The following TXNDC16 variants were observed in gnomAD, a reference collection of about 807,000 sequenced individuals.
TXNDC16 encodes thioredoxin domain containing 16.
A neutral mutation model predicts 85.6 loss-of-function variants in TXNDC16; 74 were observed. That is an observed-to-expected ratio of 0.86 (90% CI 0.72 to 1.05). The LOEUF is 1.05. Ranked by LOEUF, TXNDC16 falls within the 50% of genes least tolerant of loss-of-function variation. The probability of loss-of-function intolerance (pLI) is 0.00; values close to 1 mark genes in which losing one functional copy is unlikely to be tolerated. For synonymous variants in TXNDC16, 335 were observed against 326.5 expected, an observed-to-expected ratio of 1.03 and a Z score of -0.28; for missense variants, 959 against 947.0, an observed-to-expected ratio of 1.01 and a Z score of -0.17.
intron 7 of TXNDC16, among the ~76,000 whole-genome samples, chr14:52,518,906 C>A (rs1456375212): frequency 6.6e-6 from 1 of 151,902 alleles, no homozygotes; most frequent in African/African-American, 2.4e-5. Context: ...TTATTTTCCC[C>A]ATCTTAATCA....
chr14:52,493,214 TA>T lies in TXNDC16; in HGVS notation c.757-2210del, dbSNP rs150121232. On this transcript the variant is annotated intron_variant, in intron 9 of 20. Transcript: ENST00000281741. ...TGTTCTATATATATATATATATATATATACACACACACACACACACATATTT... is the reference window on the plus strand; with the variant it reads ...TGTTCTATATATATATATATATATATTACACACACACACACACACATATTT... Among the ~76,000 whole-genome samples the T allele has an allele frequency of 4.9e-3, 561 of 114,626 alleles. 7 individuals are homozygous for T. Among genetic ancestry groups the T allele is most frequent in the African/African-American group, 0.019 (510 of 27,390 alleles). The allele number at this position is 114,626 out of a possible 152,430, so 75.2% of individuals were successfully genotyped here.
At chr14:52,454,224 G>A (rs769069416) in intron 18 of TXNDC16, among the ~76,000 whole-genome samples, 3 of 151,894 alleles carry the variant, frequency 2.0e-5, no homozygotes, top group African/African-American at 7.3e-5. Flanking sequence ...TCAGGAGTTC[G>A]AGACCAGCCT....
intron 5 of TXNDC16, among the ~76,000 whole-genome samples, chr14:52,537,113 C>T (rs1052948600): frequency 6.6e-6 from 1 of 151,030 alleles, no homozygotes; most frequent in African/African-American, 2.4e-5. Flanking sequence ...CCAAATTGGG[C>T]TGGGAAGAAG....
intron 9 of TXNDC16, among the ~76,000 whole-genome samples, chr14:52,499,735 C>T (rs2036614553): frequency 6.6e-6 from 1 of 151,976 alleles, no homozygotes; most frequent in African/African-American, 2.4e-5. Flanking sequence ...GTACAGTCAT[C>T]CCTCAGTATC....
At chr14:52,526,031 A>G (rs2037327121) in intron 6 of TXNDC16, among the ~76,000 whole-genome samples, 1 of 152,088 alleles carries the variant, frequency 6.6e-6, no homozygotes, top group Admixed American at 6.6e-5. Flanking sequence ...CCTTTTTCAA[A>G]TATTTTTGAT....
In TXNDC16 at chr14:52,490,442, CAA is replaced by C; in HGVS notation, c.931_932del (p.Leu311GlyfsTer9). 6.3e-7 allele frequency: 1 copy of C among 1,598,382 alleles called. No homozygotes were observed. The highest frequency in any genetic ancestry group is 1.1e-5 in the South Asian group (1 of 87,296). ...TAGCATCTTGAGGAATGTTCACTTCCAAAGAGTCCCTTTTTCAAAATGGAAAT... is the reference window on the plus strand; with the variant it reads ...TAGCATCTTGAGGAATGTTCACTTCCAGAGTCCCTTTTTCAAAATGGAAAT... ...AGVLLLLRDS[L>X]EVNIPQDANV... On this transcript the variant is annotated frameshift_variant, in exon 11 of 21. Coordinates refer to ENST00000281741, the MANE Select transcript of TXNDC16 (RefSeq NM_020784.3). LOFTEE classifies it high-confidence loss of function.
At chr14:52,491,369 TAA>T (rs34684742) in intron 9 of TXNDC16, among the ~76,000 whole-genome samples, 504 of 110,396 alleles carry the variant, frequency 4.6e-3, no homozygotes, top group East Asian at 7.1e-3. Context: ...TTTTTTTTTT[TAA>T]ATTTTTTGTA....
Position 52,482,255 on chromosome 14 carries a change from A to G in TXNDC16, c.1287T>C (p.Tyr429=), listed in dbSNP as rs759170207. The part of the protein sequence containing the change: ...QAVSMAFLQS[Y]IDVAVKLKGT... ...CTTTCAGTTTAACTGCCACATCAAT[A>G]TAGGATTGCAAAAATGCCATGGATA... The change falls in exon 14 of 21, where the codon TAT becomes TAC. Residue 429 remains tyrosine (Y), a synonymous_variant. Transcript: ENST00000281741. The G allele has an allele frequency of 2.5e-5, 40 of 1,612,078 alleles. No homozygotes were observed. Among genetic ancestry groups the G allele is most frequent in the Non-Finnish European group, 3.3e-5 (39 of 1,179,034 alleles).
At chr14:52,480,383 C>A (rs2036117388) in intron 14 of TXNDC16, among the ~76,000 whole-genome samples, 1 of 152,050 alleles carries the variant, frequency 6.6e-6, no homozygotes, top group Non-Finnish European at 1.5e-5. Flanking sequence ...AGTAAACAGA[C>A]AACTCACAGA....
At chr14:52,513,642 C>T (rs954490294) in intron 8 of TXNDC16, among the ~76,000 whole-genome samples, 8 of 144,496 alleles carry the variant, frequency 5.5e-5, no homozygotes, top group African/African-American at 1.8e-4. Context: ...CAGATATATA[C>T]ATATTCTGTG....
chr14:52,476,630 CA>C (rs1306081480), intron 14 of TXNDC16, among the ~76,000 whole-genome samples: 1 of 151,864 alleles, frequency 6.6e-6, no homozygotes, highest in Non-Finnish European at 1.5e-5. Flanking sequence ...CCCAATGCAA[CA>C]AAGACAAAGA....
intron 1 of TXNDC16, among the ~76,000 whole-genome samples, chr14:52,548,927 C>T (rs192405755): frequency 7.0e-4 from 107 of 152,208 alleles, no homozygotes; most frequent in African/African-American, 2.5e-3. Context: ...CTAATGTTTC[C>T]GGGTTGTTTC....
chr14:52,542,245 T>G (rs1471901521), intron 4 of TXNDC16, 126 bp downstream of exon 4: 16 of 655,362 alleles, frequency 2.4e-5, no homozygotes, highest in Non-Finnish European at 3.1e-5. Flanking sequence ...TTTATTCTTA[T>G]GAAAAAAATA....
intron 9 of TXNDC16, among the ~76,000 whole-genome samples, chr14:52,500,926 A>C (rs1420758596): frequency 6.6e-6 from 1 of 152,220 alleles, no homozygotes; most frequent in African/African-American, 2.4e-5. Context: ...TGGGATTCAG[A>C]TAAAAGCTTT....
chr14:52,530,374 A>G (rs544589477), intron 6 of TXNDC16, among the ~76,000 whole-genome samples: 5 of 30,098 alleles, frequency 1.7e-4, no homozygotes, highest in African/African-American at 1.8e-4. Context: ...ATTATTATAT[A>G]ATATTATATA....
chr14:52,514,113 C>T (rs2037021988), intron 8 of TXNDC16, among the ~76,000 whole-genome samples: 1 of 152,152 alleles, frequency 6.6e-6, no homozygotes, highest in African/African-American at 2.4e-5. Flanking sequence ...AAACTTTCTT[C>T]TCTGCCTACT....
intron 13 of TXNDC16, among the ~76,000 whole-genome samples, chr14:52,482,492 T>C (rs1217928613): frequency 6.6e-6 from 1 of 152,162 alleles, no homozygotes; most frequent in Non-Finnish European, 1.5e-5. Context: ...CTGCAAGGAA[T>C]ATAGCTAAAT....
chr14:52,479,185 T>C (rs1315540663), intron 14 of TXNDC16, among the ~76,000 whole-genome samples: 1 of 152,174 alleles, frequency 6.6e-6, no homozygotes, highest in Admixed American at 6.5e-5. Flanking sequence ...AAGCCATCTA[T>C]GACAAACCCA....
At chr14:52,495,450 A>G (rs2036509056) in intron 9 of TXNDC16, among the ~76,000 whole-genome samples, 3 of 152,246 alleles carry the variant, frequency 2.0e-5, no homozygotes, top group Non-Finnish European at 4.4e-5. Flanking sequence ...GTCATATATC[A>G]TCACCTTAGC....
Sources: gnomAD v4.1 joint callset for allele counts (sites outside exome capture counted in the v4.1 genomes callset) on GRCh38, gnomAD v4.1.1 for gene constraint, MANE v1.5 for transcripts, NCBI Gene and HGNC (gene_info 2026-07-23, HGNC 2026-07-21) for gene names.